CDH7: variants seen among roughly 807,000 people sequenced by gnomAD.
CDH7 encodes the protein cadherin 7, also known as cadherin-7.
Under a neutral mutation model 71.8 loss-of-function variants are expected in CDH7, and 25 were observed. The observed-to-expected ratio is 0.35, with a 90% confidence interval of 0.25 to 0.49. CDH7 has a LOEUF of 0.49. CDH7 is among the 20% of genes least tolerant of loss of function. CDH7 has a pLI of 0.99. For synonymous variants in CDH7, 381 were observed against 363.8 expected (o/e 1.05, Z -0.54); for missense variants, 862 against 974.6 (o/e 0.88, Z 1.54).
At chr18:65,843,627 A>G (rs1162719803) in intron 6 of CDH7, among the ~76,000 whole-genome samples, 185 bp from the exon 7 acceptor site, 1 of 152,122 alleles carries the variant, frequency 6.6e-6, no homozygotes, top group African/African-American at 2.4e-5. Flanking sequence ...AGCACTAACC[A>G]TTGTTTGTGA....
At chr18:65,783,313 A>G (rs992984131) in intron 2 of CDH7, among the ~76,000 whole-genome samples, 1 of 152,248 alleles carries the variant, frequency 6.6e-6, no homozygotes, top group Non-Finnish European at 1.5e-5. Context: ...TAACAGAAAG[A>G]TAATTATAAG....
intron 2 of CDH7, among the ~76,000 whole-genome samples, chr18:65,781,115 C>G (rs897265312): frequency 6.6e-6 from 1 of 152,032 alleles, no homozygotes; most frequent in East Asian, 1.9e-4. Context: ...GGAAGAATTG[C>G]ATCTCTTTCA....
intron 2 of CDH7, among the ~76,000 whole-genome samples, chr18:65,799,779 C>A (rs552604298): frequency 1.3e-4 from 20 of 152,240 alleles, no homozygotes; most frequent in Non-Finnish European, 2.8e-4. Context: ...GAATACTCCC[C>A]AAATTAGCTT....
chr18:65,783,941 G>T lies in CDH7; in HGVS notation c.210+20889G>T, dbSNP rs561662550. Among the ~76,000 whole-genome samples the T allele has an allele frequency of 2.2e-4, 34 of 151,544 alleles. No individual in the cohort carries two copies. In the South Asian group the frequency reaches 5.4e-3, roughly 24 times the overall value. Reference sequence around the variant, plus strand: ...TAAAGGCTGTCAATGGAGAAGTCATGATTTTTATTTTATTTATTTATTTAT... The same window carrying T: ...TAAAGGCTGTCAATGGAGAAGTCATTATTTTTATTTTATTTATTTATTTAT... On this transcript the variant is annotated intron_variant, in intron 2 of 11. Coordinates refer to ENST00000397968, the MANE Select transcript of CDH7 (RefSeq NM_004361.5).
intron 11 of CDH7, among the ~76,000 whole-genome samples, chr18:65,878,301 C>T (rs1020104779): frequency 7.9e-5 from 12 of 152,196 alleles, no homozygotes; most frequent in Non-Finnish European, 1.6e-4. Context: ...ACTCTACTTA[C>T]GTTATTTCCA....
chr18:65,790,703 T>TAATAAA (rs1226587729), intron 2 of CDH7, among the ~76,000 whole-genome samples: 2 of 152,108 alleles, frequency 1.3e-5, no homozygotes, highest in African/African-American at 4.8e-5. Context: ...ATCCTGTCTT[T>TAATAAA]AATAAAAATA....
At chr18:65,830,005 G>C (rs901464058) in intron 6 of CDH7, among the ~76,000 whole-genome samples, 1 of 152,110 alleles carries the variant, frequency 6.6e-6, no homozygotes, top group Admixed American at 6.6e-5. Flanking sequence ...GGCTTTCAAA[G>C]ATTTGAACAT....
At chr18:65,751,631 G>T (rs1395515413) in intron 1 of CDH7, among the ~76,000 whole-genome samples, 3 of 152,176 alleles carry the variant, frequency 2.0e-5, no homozygotes, top group Non-Finnish European at 2.9e-5. Context: ...TGAACCATTC[G>T]CTCTGGACAC....
chr18:65,869,124 C>G (rs769262661), intron 11 of CDH7, among the ~76,000 whole-genome samples: 2 of 152,090 alleles, frequency 1.3e-5, no homozygotes, highest in Non-Finnish European at 2.9e-5. Flanking sequence ...CTTGCATCCT[C>G]CATGGTCAAT....
At chr18:65,850,799 A>C (rs564650280) in intron 7 of CDH7, among the ~76,000 whole-genome samples, 23 of 150,402 alleles carry the variant, frequency 1.5e-4, no homozygotes, top group African/African-American at 5.4e-4. Flanking sequence ...AGAAATCAAT[A>C]GTTCATTTTT....
chr18:65,880,598 C>G lies in CDH7; in HGVS notation c.2062C>G (p.Pro688Ala). ...RDTKTRRDVT[P>A]EIQFLSRPAF... Reference sequence around the variant, plus strand: ...CACCAAGACCCGGAGGGATGTGACTCCAGAAATTCAATTCCTGAGTCGACC... The same window carrying G: ...CACCAAGACCCGGAGGGATGTGACTGCAGAAATTCAATTCCTGAGTCGACC... Residue 688 changes from proline to alanine, a missense_variant, in exon 12 of 12, where the codon CCA (proline) becomes GCA (alanine). By Grantham distance (27) the Pro-to-Ala change is conservative (BLOSUM62 -1). Coordinates refer to ENST00000397968, the MANE Select transcript of CDH7 (RefSeq NM_004361.5). 1 of 1,613,850 alleles carries G rather than the reference C, an allele frequency of 6.2e-7. No individual in the cohort carries two copies. The highest frequency in any genetic ancestry group is 8.5e-7 in the Non-Finnish European group (1 of 1,179,950).
chr18:65,809,271 T>C (rs1804253780), intron 2 of CDH7, among the ~76,000 whole-genome samples: 1 of 152,134 alleles, frequency 6.6e-6, no homozygotes, highest in South Asian at 2.1e-4. Context: ...TATGGGGGTT[T>C]CTAAGCATAT....
chr18:65,864,219 G>C (rs557546321), intron 11 of CDH7: 1 of 152,246 alleles, frequency 6.6e-6, no homozygotes, highest in East Asian at 1.9e-4. Context: ...TTTGAAAAAG[G>C]TAGAACCACT....
At chr18:65,752,539 C>G (rs560996423) in intron 1 of CDH7, among the ~76,000 whole-genome samples, 6 of 152,120 alleles carry the variant, frequency 3.9e-5, no homozygotes, top group African/African-American at 1.4e-4. Context: ...TTTGGTTTAC[C>G]TAGGATATTT....
At chr18:65,794,927 T>C (rs188459399) in intron 2 of CDH7, among the ~76,000 whole-genome samples, 21 of 152,318 alleles carry the variant, frequency 1.4e-4, no homozygotes, top group Non-Finnish European at 2.8e-4. Context: ...AAGGTCCCTT[T>C]ACCACAGTGT....
intron 2 of CDH7, among the ~76,000 whole-genome samples, chr18:65,785,225 A>G (rs1324365919): frequency 6.7e-6 from 1 of 148,850 alleles, no homozygotes; most frequent in Non-Finnish European, 1.5e-5. Context: ...TATTTGTCAT[A>G]TAATATATGT....
At position 65,829,775 on chromosome 18, in the gene CDH7, A is replaced by AGTGTGTGT. The variant is rs3061822; in HGVS notation, c.981+4979_981+4986dup. Among the ~76,000 whole-genome samples, 272 of 138,184 alleles carry AGTGTGTGT rather than the reference A, an allele frequency of 2.0e-3. 1 individual carries two copies. The highest frequency in any genetic ancestry group is 2.5e-3 in the African/African-American group (91 of 36,756). 90.7% of individuals were successfully genotyped at this position (138,184 alleles called of 152,430 possible). A position where few individuals can be genotyped will look rare whatever the true frequency, so the allele number is the denominator to read the frequency against. On this transcript the variant is annotated intron_variant, in intron 6 of 11. Coordinates refer to ENST00000397968, the MANE Select transcript of CDH7 (RefSeq NM_004361.5). Reference sequence around the variant, plus strand: ...AGATGCATTTTTTTTCAAGGAAGGGAGTGTGTGTGTGTGTGTGTGTGTGTG... The same window carrying AGTGTGTGT: ...AGATGCATTTTTTTTCAAGGAAGGGAGTGTGTGTGTGTGTGTGTGTGTGTGTGTGTGTG...
chr18:65,808,727 A>C (rs1159013101), intron 2 of CDH7, among the ~76,000 whole-genome samples: 11 of 152,194 alleles, frequency 7.2e-5, no homozygotes, highest in Non-Finnish European at 1.3e-4. Context: ...CTTTTAAAAA[A>C]TGCAAACATA....
intron 3 of CDH7, among the ~76,000 whole-genome samples, chr18:65,812,434 T>C (rs7238385): frequency 1.3e-5 from 2 of 152,128 alleles, no homozygotes; most frequent in Admixed American, 6.5e-5. Flanking sequence ...CTAAACTACA[T>C]AACATACGTT....
Sources: allele counts gnomAD v4.1 joint callset (sites outside exome capture counted in the v4.1 genomes callset), GRCh38; gene constraint gnomAD v4.1.1; transcripts MANE v1.5; gene names NCBI Gene and HGNC (gene_info 2026-07-23, HGNC 2026-07-21).